SPAG9: variants seen among roughly 807,000 people sequenced by gnomAD.
SPAG9 encodes the protein C-Jun-amino-terminal kinase-interacting protein 4.
A neutral mutation model predicts 166.5 loss-of-function variants in SPAG9; 35 were observed. The ratio of observed to expected loss-of-function variants is 0.21; its 90% CI spans 0.16 to 0.28. The LOEUF (loss-of-function observed/expected upper bound fraction) is 0.28. Ranked by LOEUF, SPAG9 falls within the 10% of genes least tolerant of loss-of-function variation. SPAG9 has a pLI of 1.00. For missense variants in SPAG9, 1,235 were observed against 1,603.3 expected (o/e 0.77, Z 3.92); for synonymous variants, 534 against 565.5 (o/e 0.94, Z 0.79).
intron 25 of SPAG9, among the ~76,000 whole-genome samples, 165 bp downstream of exon 25, chr17:50,982,359 G>C (rs1280983857): frequency 6.6e-6 from 1 of 152,172 alleles, no homozygotes; most frequent in African/African-American, 2.4e-5. Flanking sequence ...ACTGGCAAGA[G>C]AGTTAAGTAA....
Position 51,026,680 on chromosome 17 carries a change from T to C in SPAG9, c.783+5001A>G, listed in dbSNP as rs1276303982. On this transcript the variant is annotated intron_variant, in intron 6 of 29. Coordinates refer to ENST00000262013, the MANE Select transcript of SPAG9 (RefSeq NM_001130528.3). ...GCCCTTTTCTTTTTCTTTTCTTTTT[T>C]TTTTTTTTTTTTGAGACGAAGTTTC... 5.4e-3 allele frequency among the ~76,000 whole-genome samples: 809 copies of C among 149,094 alleles called. 6 individuals carry two copies. The highest frequency in any genetic ancestry group is 0.018 in the African/African-American group (747 of 40,772).
intron 9 of SPAG9, among the ~76,000 whole-genome samples, chr17:51,009,949 A>G (rs925910591): frequency 6.6e-6 from 1 of 152,210 alleles, no homozygotes; most frequent in Non-Finnish European, 1.5e-5. Context: ...GAAATGATCA[A>G]TAACTCTTTA....
At position 50,999,807 on chromosome 17, in the gene SPAG9, G is replaced by A. The variant is rs2044851032; in HGVS notation, c.1608-90C>T. ...AACAAGAGACCCAAGAAGTTCATGG[G>A]ATACACAGAGGGGAGTCAACAATTA... On this transcript the variant is annotated intron_variant, in intron 13 of 29. Transcript: ENST00000262013. 3 of 1,037,282 alleles carry A rather than the reference G, an allele frequency of 2.9e-6. No homozygotes were observed. In the South Asian group the frequency reaches 4.1e-5, roughly 14 times the overall value. The allele number at this position is 1,037,282 out of a possible 1,614,324, so 64.3% of individuals were successfully genotyped here.
chr17:50,966,247 C>T lies in SPAG9; in HGVS notation c.*25G>A, dbSNP rs1230409962. On this transcript the variant is annotated 3_prime_UTR_variant, in exon 30 of 30. Coordinates refer to ENST00000262013, the MANE Select transcript of SPAG9 (RefSeq NM_001130528.3). ...AAACCATGCAGAAGAGACGGCTTCC[C>T]CATCTCCACCTGTTTCCCATGGGCT... is the stretch of plus-strand genomic sequence containing the variant. 2 of 1,365,712 alleles carry T rather than the reference C, an allele frequency of 1.5e-6. No individual in the cohort carries two copies. The highest frequency in any genetic ancestry group is 2.1e-6 in the Non-Finnish European group (2 of 954,082). 84.6% of individuals were successfully genotyped at this position (1,365,712 alleles called of 1,614,324 possible).
rs1029073637 is a variant in SPAG9, at chr17:51,074,989, G to C, written c.424+4595C>G. ...AGGCAGGTGGATCAACTGAGGTCAG[G>C]AGTTCAAGACCAGCCTGGCCAACAT... On this transcript the variant is annotated intron_variant, in intron 2 of 29. Transcript: ENST00000262013. Among the ~76,000 whole-genome samples the C allele has an allele frequency of 1.3e-5, 2 of 152,014 alleles. 1 individual carries two copies. The highest frequency in any genetic ancestry group is 6.8e-3 in the Middle Eastern group (2 of 294).
intron 28 of SPAG9, among the ~76,000 whole-genome samples, chr17:50,971,763 ATTACT>A (rs1375949843): frequency 6.9e-6 from 1 of 145,208 alleles, no homozygotes; most frequent in Non-Finnish European, 1.5e-5. Flanking sequence ...CCTGGCCCAA[ATTACT>A]TTATTTATTT....
rs1288785760 is a variant in SPAG9, at chr17:51,053,853, AAGTATATATATATAT to A, written c.495+2544_495+2558del. ...ACCCTAATTAAAAAAAAAAAAAAAA[AAGTATATATATATAT>A]ATATATATATATATATATATATATA... On this transcript the variant is annotated intron_variant, in intron 3 of 29. Transcript: ENST00000262013. 4.6e-4 allele frequency among the ~76,000 whole-genome samples: 26 copies of A among 56,152 alleles called. No individual in the cohort carries two copies. In the East Asian group the frequency reaches 6.3e-3, roughly 14 times the overall value. 36.8% of individuals were successfully genotyped at this position (56,152 alleles called of 152,430 possible). A position where few individuals can be genotyped will look rare whatever the true frequency, so the allele number is the denominator to read the frequency against.
At chr17:50,981,571 T>C (rs960737421) in intron 25 of SPAG9, among the ~76,000 whole-genome samples, 2 of 151,836 alleles carry the variant, frequency 1.3e-5, no homozygotes, top group African/African-American at 4.8e-5. Context: ...AGAATTGATA[T>C]AAAAAACAAA....
At position 50,996,724 on chromosome 17, in the gene SPAG9, A is replaced by C. The variant is rs753305247; in HGVS notation, c.1839-30T>G. ...AAGGAAAAAAGATTTTCCTAATTACATGAATACGTTTAATTACGTTTATCC... is the reference window on the plus strand; with the variant it reads ...AAGGAAAAAAGATTTTCCTAATTACCTGAATACGTTTAATTACGTTTATCC... On this transcript the variant is annotated intron_variant, in intron 15 of 29. Coordinates refer to ENST00000262013, the MANE Select transcript of SPAG9 (RefSeq NM_001130528.3). 8 of 1,610,692 alleles carry C rather than the reference A, an allele frequency of 5.0e-6. No homozygotes were observed. In the East Asian group the frequency reaches 1.8e-4, roughly 36 times the overall value.
chr17:51,044,849 C>T (rs183977997), intron 4 of SPAG9, among the ~76,000 whole-genome samples: 71 of 152,208 alleles, frequency 4.7e-4, no homozygotes, highest in Non-Finnish European at 1.6e-4. Context: ...ATCTTAATAT[C>T]AAAGACTTTG....
At chr17:51,095,773 GATAT>G (rs2048599497) in intron 1 of SPAG9, among the ~76,000 whole-genome samples, 1 of 145,834 alleles carries the variant, frequency 6.9e-6, no homozygotes, top group South Asian at 2.1e-4. Flanking sequence ...TACATATAGT[GATAT>G]ATATAGTGAT....
In SPAG9 at chr17:51,097,663, G is replaced by A. The variant is rs201734621; in HGVS notation, c.304-17959C>T. Among the ~76,000 whole-genome samples the A allele has an allele frequency of 3.9e-5, 6 of 152,168 alleles. No homozygotes were observed. In the East Asian group the frequency reaches 1.2e-3, roughly 29 times the overall value. ...GGCATAAGTGTTGTCGGTAGTCTTG[G>A]GGACTGAGACCTCAAACTGTGGGAT... On this transcript the variant is annotated intron_variant, in intron 1 of 29. Coordinates refer to ENST00000262013, the MANE Select transcript of SPAG9 (RefSeq NM_001130528.3).
At position 51,089,790 on chromosome 17, in the gene SPAG9, C is replaced by T. The variant is rs552687171; in HGVS notation, c.304-10086G>A. Among the ~76,000 whole-genome samples the T allele has an allele frequency of 3.0e-4, 45 of 150,388 alleles. No individual in the cohort carries two copies. The East Asian group carries it at 8.5e-3, about 28-fold the overall frequency. ...TACCAGATTCAAGCAATTCTCCCTG[C>T]CTCAGCCTCACGAGTGGCTGGGATT... On this transcript the variant is annotated intron_variant, in intron 1 of 29. Transcript: ENST00000262013.
chr17:51,008,428 G>C (rs1382138588), intron 9 of SPAG9, among the ~76,000 whole-genome samples: 1 of 152,078 alleles, frequency 6.6e-6, no homozygotes, highest in African/African-American at 2.4e-5. Context: ...TCAAGGAATT[G>C]TGAGCTAATA....
At chr17:51,017,312 G>GGGAGGGATGAA (rs1411979712) in intron 8 of SPAG9, among the ~76,000 whole-genome samples, 2 of 152,170 alleles carry the variant, frequency 1.3e-5, no homozygotes, top group Non-Finnish European at 2.9e-5. Flanking sequence ...AGCTGAAAAA[G>GGGAGGGATGAA]GGAGGGATGA....
At chr17:50,998,787 G>A (rs1197563568) in intron 14 of SPAG9, among the ~76,000 whole-genome samples, 170 bp from the exon 15 acceptor site, 3 of 152,234 alleles carry the variant, frequency 2.0e-5, no homozygotes, top group East Asian at 1.9e-4. Flanking sequence ...GCAGTAACTC[G>A]TAGCCAAACT....
intron 1 of SPAG9, among the ~76,000 whole-genome samples, chr17:51,112,671 CAAAAAAAAAAA>C (rs1206604151): frequency 0.14 from 5,634 of 41,492 alleles, 320 homozygotes; most frequent in African/African-American, 0.32. Context: ...TCTGTCTCAA[CAAAAAAAAAAA>C]AAAAAAAAAA....
At chr17:51,095,791 C>A (rs116182553) in intron 1 of SPAG9, among the ~76,000 whole-genome samples, 1 of 135,790 alleles carries the variant, frequency 7.4e-6, no homozygotes. Context: ...TAGTGATATA[C>A]GTATAGTGAT....
rs1312181042 is a variant in SPAG9, at chr17:51,037,685, AGTG to A, written c.741+3813_741+3815del. 4.9e-3 allele frequency among the ~76,000 whole-genome samples: 408 copies of A among 83,492 alleles called. 22 individuals are homozygous for A. The highest frequency in any genetic ancestry group is 0.017 in the East Asian group (54 of 3,132). The allele number at this position is 83,492 out of a possible 152,430, so 54.8% of individuals were successfully genotyped here. A position where few individuals can be genotyped will look rare whatever the true frequency, so the allele number is the denominator to read the frequency against. ...GTGTTTTATATATATATATATATAT[AGTG>A]TGTGTGTGTGTGTGTGTGTGTGTGT... On this transcript the variant is annotated intron_variant, in intron 5 of 29. Transcript: ENST00000262013.
Sources: gnomAD v4.1 joint callset for allele counts (sites outside exome capture counted in the v4.1 genomes callset) on GRCh38, gnomAD v4.1.1 for gene constraint, MANE v1.5 for transcripts, NCBI Gene and HGNC (gene_info 2026-07-23, HGNC 2026-07-21) for gene names.